The following ZNF334 variants were observed in gnomAD, a reference collection of about 807,000 sequenced individuals.
ZNF334 encodes the protein zinc finger protein 334.
In ZNF334, 14 loss-of-function variants were observed where a neutral mutation model predicts 12.4. The ratio of observed to expected loss-of-function variants is 1.13; its 90% CI spans 0.74 to 1.76. The LOEUF is 1.76. Among genes scored for constraint, ZNF334 ranks in the 40% most tolerant of loss-of-function variants. The pLI is 0.00. For missense variants in ZNF334, 797 were observed against 804.5 expected (o/e 0.99, Z 0.11); for synonymous variants, 273 against 269.6 (o/e 1.01, Z -0.12).
Position 46,502,685 on chromosome 20 carries a change from G to A in ZNF334, c.654C>T (p.Phe218=), listed in dbSNP as rs540914729. The A allele has an allele frequency of 1.1e-5, 17 of 1,612,872 alleles. No individual in the cohort carries two copies. In the South Asian group the frequency reaches 1.6e-4, roughly 16 times the overall value. Residue 218 remains phenylalanine, a synonymous_variant, in exon 5 of 5, where the codon TTC becomes TTT. Coordinates refer to ENST00000692313, the MANE Select transcript of ZNF334 (RefSeq NM_001353824.2). Reference sequence around the variant, plus strand: ...GTGTAATGAGAATTGCCCTCTTGAAGAAGGTTTTCCCACATTTATTATAGT... The same window carrying A: ...GTGTAATGAGAATTGCCCTCTTGAAAAAGGTTTTCCCACATTTATTATAGT... ...PFDYNKCGKT[F]FKRAILITQK... is the part of the protein sequence containing the mutation.
At chr20:46,465,531 C>G in the ZNF334 span, among the ~76,000 whole-genome samples, 4 of 152,092 alleles carry the variant, frequency 2.6e-5, no homozygotes, top group East Asian at 7.7e-4. Context: ...AACCCCATCT[C>G]TAAAAAACCA....
At chr20:46,480,134 T>C in the ZNF334 span, among the ~76,000 whole-genome samples, 2 of 152,204 alleles carry the variant, frequency 1.3e-5, no homozygotes, top group Non-Finnish European at 2.9e-5. Context: ...CCTGGAGCCA[T>C]GGTCACTCAT....
Position 46,504,745 on chromosome 20 carries a change from A to G in ZNF334, c.22-5T>C, listed in dbSNP as rs767706789. On this transcript the variant is annotated splice_polypyrimidine_tract_variant and splice_region_variant and intron_variant, in intron 2 of 4. Transcript: ENST00000692313. ...GTCCTGGAATGAAACTGGTATCTGA[A>G]AGAAAATGTTTAATCTTGGGTGACC... The G allele has an allele frequency of 6.3e-6, 10 of 1,597,802 alleles. No individual in the cohort carries two copies. In the South Asian group the frequency reaches 1.1e-4, roughly 18 times the overall value.
rs79954702 is a variant in ZNF334 at position 46,499,903 on chromosome 20, C to G, written c.*1393G>C. 1 of 152,014 alleles carries G rather than the reference C, an allele frequency of 6.6e-6. No homozygotes were observed. The highest frequency in any genetic ancestry group is 1.5e-5 in the Non-Finnish European group (1 of 68,006). The allele number at this position is 152,014 out of a possible 1,614,324, so 9.4% of individuals were successfully genotyped here. ...TGTTCATATTGGGTTCTCTGAAGGGCCCCAAATAAATAGCACAATTTCCCC... is the reference window on the plus strand; with the variant it reads ...TGTTCATATTGGGTTCTCTGAAGGGGCCCAAATAAATAGCACAATTTCCCC... On this transcript the variant is annotated 3_prime_UTR_variant, in exon 5 of 5. Transcript: ENST00000692313.
At chr20:46,507,438 A>G (rs1027558009) in intron 2 of ZNF334, among the ~76,000 whole-genome samples, 3 of 152,212 alleles carry the variant, frequency 2.0e-5, no homozygotes, top group South Asian at 4.1e-4. Flanking sequence ...GATATTATGG[A>G]AAATAATAAG....
the ZNF334 span, among the ~76,000 whole-genome samples, chr20:46,482,582 G>T: frequency 1.3e-5 from 2 of 151,970 alleles, no homozygotes; most frequent in African/African-American, 2.4e-5. Flanking sequence ...ATTTTTTAAA[G>T]ACCTTTTTAA....
At position 46,501,745 on chromosome 20, in the gene ZNF334, G is replaced by C; in HGVS notation, c.1594C>G (p.Leu532Val). 1.2e-6 allele frequency: 2 copies of C among 1,614,032 alleles called. No individual in the cohort carries two copies. The highest frequency in any genetic ancestry group is 1.7e-6 in the Non-Finnish European group (2 of 1,179,972). The change falls in exon 5 of 5, where the codon CTC (leucine) becomes GTC (valine). Residue 532 changes from leucine to valine, a missense_variant. Leu to Val is a conservative substitution (Grantham distance 32, BLOSUM62 1). Coordinates refer to ENST00000692313, the MANE Select transcript of ZNF334 (RefSeq NM_001353824.2). Reference protein sequence around the residue: ...HGHAVSKNSHLIVHQRTIWER... With the variant: ...HGHAVSKNSHVIVHQRTIWER... ...CATATAGTTCTCTGATGTACAATGA[G>C]GTGTGAGTTTTTGCTGACGGCATGC... is the stretch of plus-strand genomic sequence containing the variant.
At position 46,504,661 on chromosome 20, in the gene ZNF334, A is replaced by G; in HGVS notation, c.101T>C (p.Leu34Pro). 6.2e-6 allele frequency: 10 copies of G among 1,612,734 alleles called. No homozygotes were observed. The highest frequency in any genetic ancestry group is 8.5e-6 in the Non-Finnish European group (10 of 1,179,466). Residue 34 changes from leucine (L) to proline (P), a missense_variant, in exon 3 of 5, where the codon CTG (leucine) becomes CCG (proline). Transcript: ENST00000692313. ...GTTCTCCAGCATCACATCCCTGTAC[A>G]GGAGCCTCTGAGCAGGGTCCAGTTG... ...WQQLDPAQRL[L>P]YRDVMLENYS...
the ZNF334 span, among the ~76,000 whole-genome samples, chr20:46,475,308 C>T: frequency 6.6e-6 from 1 of 151,888 alleles, no homozygotes; most frequent in African/African-American, 2.4e-5. Context: ...TATACAAAAA[C>T]GAACTCAAAA....
the ZNF334 span, among the ~76,000 whole-genome samples, chr20:46,493,685 T>C: frequency 6.6e-6 from 1 of 152,106 alleles, no homozygotes; most frequent in Non-Finnish European, 1.5e-5. Flanking sequence ...TTTACAAAAG[T>C]GTGGAAAGGG....
intron 2 of ZNF334, among the ~76,000 whole-genome samples, chr20:46,510,141 T>C (rs757609968): frequency 9.2e-5 from 14 of 152,188 alleles, no homozygotes; most frequent in Non-Finnish European, 2.1e-4. Context: ...CCAAGGATGC[T>C]GAACTTGTAT....
At chr20:46,481,972 G>A in the ZNF334 span, among the ~76,000 whole-genome samples, 6 of 152,090 alleles carry the variant, frequency 3.9e-5, no homozygotes, top group African/African-American at 1.2e-4. Flanking sequence ...GGTTTCTCCT[G>A]GGTTGTCTGG....
intron 2 of ZNF334, chr20:46,509,663 G>C (rs897483420): frequency 8.5e-5 from 60 of 702,820 alleles, no homozygotes; most frequent in Non-Finnish European, 9.9e-5. Flanking sequence ...GTTAACTTGC[G>C]CACACTTCCA....
chr20:46,464,361 G>A, the ZNF334 span: 1 of 512,428 alleles, frequency 2.0e-6, no homozygotes, highest in East Asian at 4.9e-5. Context: ...CTCTCAAATA[G>A]CTTAGTGCCC....
the ZNF334 span, among the ~76,000 whole-genome samples, chr20:46,467,722 AT>A: frequency 1.3e-5 from 2 of 152,178 alleles, no homozygotes; most frequent in African/African-American, 4.8e-5. Flanking sequence ...ATCTTCATGA[AT>A]TTTTTTAAAA....
At chr20:46,478,023 C>T in the ZNF334 span, among the ~76,000 whole-genome samples, 1 of 152,198 alleles carries the variant, frequency 6.6e-6, no homozygotes, top group Non-Finnish European at 1.5e-5. Flanking sequence ...ATTAAATTAT[C>T]TGATTTCAAC....
At chr20:46,468,019 C>A in the ZNF334 span, among the ~76,000 whole-genome samples, 2 of 152,146 alleles carry the variant, frequency 1.3e-5, no homozygotes, top group Non-Finnish European at 2.9e-5. Flanking sequence ...TGATATGACT[C>A]CTCACAAATT....
In ZNF334 at chr20:46,512,549, T is replaced by C. The variant is rs2061691531; in HGVS notation, c.-48A>G. The C allele has an allele frequency of 6.4e-6, 1 of 156,244 alleles. No homozygotes were observed. The highest frequency in any genetic ancestry group is 1.4e-5 in the Non-Finnish European group (1 of 70,740). 9.7% of individuals were successfully genotyped at this position (156,244 alleles called of 1,614,324 possible). Reference sequence around the variant, plus strand: ...ATATTATGTCACTTACCTGTTTTCCTACTAATGTGTTTAGCCACTTGAGAT... The same window carrying C: ...ATATTATGTCACTTACCTGTTTTCCCACTAATGTGTTTAGCCACTTGAGAT... On this transcript the variant is annotated 5_prime_UTR_variant, in exon 1 of 5. Coordinates refer to ENST00000692313, the MANE Select transcript of ZNF334 (RefSeq NM_001353824.2).
intron 3 of ZNF334, 146 bp from the exon 4 acceptor site, chr20:46,504,452 G>C (rs2061361802): frequency 1.8e-6 from 2 of 1,133,836 alleles, no homozygotes; most frequent in African/African-American, 3.1e-5. Flanking sequence ...TGAAGGGTAG[G>C]GGAAGGGCAG....
Sources: allele counts gnomAD v4.1 joint callset (sites outside exome capture counted in the v4.1 genomes callset), GRCh38; gene constraint gnomAD v4.1.1; transcripts MANE v1.5; gene names NCBI Gene and HGNC (gene_info 2026-07-23, HGNC 2026-07-21).